Variants in COL19A1 observed in about 807,000 individuals in gnomAD.
COL19A1 encodes the protein collagen alpha-1(XIX) chain.
COL19A1 carries 159 observed loss-of-function variants against 190.2 expected under a neutral mutation model. That is an observed-to-expected ratio of 0.84 (90% confidence interval 0.73 to 0.95). COL19A1 has a LOEUF of 0.95. COL19A1 is among the 40% of genes least tolerant of loss of function. The probability of loss-of-function intolerance (pLI) is 0.00; values close to 1 mark genes in which losing one functional copy is unlikely to be tolerated. For missense variants in COL19A1, 1,418 were observed against 1,431.9 expected, an observed-to-expected ratio of 0.99 and a Z score of 0.16; for synonymous variants, 509 against 458.9, an observed-to-expected ratio of 1.11 and a Z score of -1.39.
intron 9 of COL19A1, among the ~76,000 whole-genome samples, chr6:69,938,532 C>A (rs1445229306): frequency 6.6e-6 from 1 of 151,654 alleles, no homozygotes; most frequent in Non-Finnish European, 1.5e-5. Flanking sequence ...TGAATACTTT[C>A]TGTGTATGAG....
At chr6:69,978,391 A>T (rs774983390) in intron 11 of COL19A1, among the ~76,000 whole-genome samples, 4 of 152,246 alleles carry the variant, frequency 2.6e-5, no homozygotes, top group Non-Finnish European at 4.4e-5. Context: ...CAAAAAAAAT[A>T]AAAAACTCAC....
chr6:70,180,632 A>G, intron 44 of COL19A1, 109 bp downstream of exon 44: 1 of 1,163,648 alleles, frequency 8.6e-7, no homozygotes, highest in South Asian at 1.3e-5. Flanking sequence ...GTTTCCAAGG[A>G]GTAAGAAGAA....
rs1768135973 is a variant in COL19A1, at chr6:70,210,676, G to A, written c.*3402G>A. On this transcript the variant is annotated 3_prime_UTR_variant, in exon 51 of 51. Coordinates refer to ENST00000620364, the MANE Select transcript of COL19A1 (RefSeq NM_001858.6). The stretch of plus-strand genomic sequence containing the variant: ...GTGATATACCTCCATTTGTCCACAA[G>A]ATGGTGTTTAAAACAATTTGTTCAG... Among the ~76,000 whole-genome samples, 1 of 152,146 alleles carries A rather than the reference G, an allele frequency of 6.6e-6. No homozygotes were observed.
intron 10 of COL19A1, among the ~76,000 whole-genome samples, chr6:69,960,968 C>T (rs1374404684): frequency 2.0e-5 from 3 of 152,118 alleles, no homozygotes; most frequent in Admixed American, 6.6e-5. Context: ...GCATGGTTAT[C>T]TGTGACAAGC....
At chr6:69,942,532 C>A (rs1773537207) in intron 9 of COL19A1, among the ~76,000 whole-genome samples, 1 of 151,914 alleles carries the variant, frequency 6.6e-6, no homozygotes, top group African/African-American at 2.4e-5. Flanking sequence ...CCCACTCCCA[C>A]CCTTCCCAGC....
At chr6:70,196,889 C>G (rs753068787) in intron 48 of COL19A1, among the ~76,000 whole-genome samples, 4 of 152,082 alleles carry the variant, frequency 2.6e-5, no homozygotes, top group Non-Finnish European at 4.4e-5. Context: ...AATTATAGAG[C>G]ATTAGGGTAG....
chr6:70,052,072 A>C (rs1305990554), intron 14 of COL19A1, among the ~76,000 whole-genome samples: 1 of 152,088 alleles, frequency 6.6e-6, no homozygotes, highest in Non-Finnish European at 1.5e-5. Flanking sequence ...GCATTAATTC[A>C]GGAACATCAA....
At chr6:70,165,004 T>A (rs1765051380) in intron 36 of COL19A1, among the ~76,000 whole-genome samples, 1 of 152,232 alleles carries the variant, frequency 6.6e-6, no homozygotes, top group African/African-American at 2.4e-5. Context: ...TTTATGGGAA[T>A]GGACTAAAAT....
chr6:70,170,749 A>G (rs1317793495), intron 40 of COL19A1, among the ~76,000 whole-genome samples: 1 of 152,102 alleles, frequency 6.6e-6, no homozygotes, highest in Non-Finnish European at 1.5e-5. Context: ...ATTTTAAAAG[A>G]TTTCTGAAAC....
chr6:70,184,629 G>T, intron 44 of COL19A1, 74 bp from the exon 45 acceptor site: 1 of 1,221,074 alleles, frequency 8.2e-7, no homozygotes, highest in Non-Finnish European at 1.2e-6. Context: ...AACTGTCCTC[G>T]AAACCTTATG....
chr6:70,201,798 A>T (rs1767571557), intron 49 of COL19A1, among the ~76,000 whole-genome samples: 2 of 152,240 alleles, frequency 1.3e-5, no homozygotes, highest in Admixed American at 1.3e-4. Flanking sequence ...TACAGTAGGC[A>T]TGCTGTACTG....
intron 16 of COL19A1, among the ~76,000 whole-genome samples, chr6:70,109,562 GTGT>G (rs1784170245): frequency 2.0e-5 from 3 of 151,622 alleles, no homozygotes; most frequent in Admixed American, 2.0e-4. Context: ...GTGTGTGTGT[GTGT>G]GTGTGTGTGT....
At chr6:69,968,016 T>G (rs191018357) in intron 11 of COL19A1, among the ~76,000 whole-genome samples, 1 of 152,332 alleles carries the variant, frequency 6.6e-6, no homozygotes. Flanking sequence ...TTGTATTTCT[T>G]TTATCACCAG....
chr6:69,984,234 T>C (rs559353665), intron 11 of COL19A1, among the ~76,000 whole-genome samples: 2 of 152,280 alleles, frequency 1.3e-5, no homozygotes, highest in African/African-American at 4.8e-5. Context: ...GCAGTCAGTG[T>C]CTATTGATTT....
intron 30 of COL19A1, 84 bp downstream of exon 30, chr6:70,150,129 A>G: frequency 7.4e-7 from 1 of 1,348,400 alleles, no homozygotes; most frequent in Non-Finnish European, 1.1e-6. Context: ...TTGCTGTCCA[A>G]ACTAATTAGA....
intron 12 of COL19A1, among the ~76,000 whole-genome samples, chr6:70,026,255 C>T (rs1778725203): frequency 6.6e-6 from 1 of 152,176 alleles, no homozygotes; most frequent in Non-Finnish European, 1.5e-5. Context: ...TCAACTGATA[C>T]ATGCATATAT....
At chr6:70,132,071 C>T (rs1051298520) in intron 18 of COL19A1, among the ~76,000 whole-genome samples, 3 of 151,988 alleles carry the variant, frequency 2.0e-5, no homozygotes, top group Non-Finnish European at 2.9e-5. Flanking sequence ...TTTTAAAAAG[C>T]GTGATTAACA....
At chr6:70,205,395 T>G (rs954193570) in intron 49 of COL19A1, among the ~76,000 whole-genome samples, 8 of 152,202 alleles carry the variant, frequency 5.3e-5, no homozygotes, top group African/African-American at 1.9e-4. Context: ...TACATACTGT[T>G]CATAGGGAGC....
chr6:70,179,939 A>G (rs1766060846), intron 42 of COL19A1, among the ~76,000 whole-genome samples: 1 of 151,988 alleles, frequency 6.6e-6, no homozygotes, highest in Non-Finnish European at 1.5e-5. Context: ...CTGGAGTGAA[A>G]TGTCATGATC....
Sources: gnomAD v4.1 joint callset for allele counts (sites outside exome capture counted in the v4.1 genomes callset) on GRCh38, gnomAD v4.1.1 for gene constraint, MANE v1.5 for transcripts, NCBI Gene and HGNC (gene_info 2026-07-23, HGNC 2026-07-21) for gene names.